LRP1B: variants seen among roughly 807,000 people sequenced by gnomAD.
The protein encoded by LRP1B is low-density lipoprotein receptor-related protein 1B.
Under a neutral mutation model 556.6 loss-of-function variants are expected in LRP1B, and 217 were observed. The ratio of observed to expected loss-of-function variants is 0.39; its 90% CI spans 0.35 to 0.44. The LOEUF (loss-of-function observed/expected upper bound fraction) is 0.44, where lower values mean the gene tolerates loss of function less well. Among genes scored for constraint, LRP1B ranks in the 20% least tolerant of loss-of-function variants. The pLI, the probability that LRP1B is intolerant of heterozygous loss-of-function variation, is 1.00. For synonymous variants in LRP1B, 2,047 were observed against 1,865.8 expected (o/e 1.10, Z -2.50); for missense variants, 5,053 against 5,620.8 (o/e 0.90, Z 3.23).
intron 3 of LRP1B, among the ~76,000 whole-genome samples, chr2:141,334,607 A>G (rs1159598894): frequency 6.6e-6 from 1 of 152,244 alleles, no homozygotes. Context: ...GCTGGAGTGT[A>G]GTGGCACCAT....
At chr2:141,089,662 A>G (rs1404275142) in intron 7 of LRP1B, among the ~76,000 whole-genome samples, 1 of 152,170 alleles carries the variant, frequency 6.6e-6, no homozygotes, top group Non-Finnish European at 1.5e-5. Context: ...GAATCTGGGT[A>G]AAAAACACAC....
In LRP1B at chr2:140,265,294, AC is replaced by A. The variant is rs200426319; in HGVS notation, c.13247+4947del. 7.9e-5 allele frequency among the ~76,000 whole-genome samples: 12 copies of A among 152,212 alleles called. No homozygotes were observed. The East Asian group carries it at 1.7e-3, about 22-fold the overall frequency. On this transcript the variant is annotated intron_variant, in intron 86 of 90. Transcript: ENST00000389484. ...TAACACATTAGATTTTTTTAAAAAA[AC>A]ATTGTTTTAATATTATTCAATGTAT... is the stretch of plus-strand genomic sequence containing the variant.
At chr2:140,844,190 T>G (rs1332931672) in intron 29 of LRP1B, among the ~76,000 whole-genome samples, 1 of 151,914 alleles carries the variant, frequency 6.6e-6, no homozygotes, top group Non-Finnish European at 1.5e-5. Flanking sequence ...GCCTCCCGAG[T>G]AGCTGGGATT....
At chr2:142,087,085 T>G (rs1705968814) in intron 1 of LRP1B, among the ~76,000 whole-genome samples, 1 of 152,186 alleles carries the variant, frequency 6.6e-6, no homozygotes, top group African/African-American at 2.4e-5. Context: ...CTCATTTCAA[T>G]AAATATAGTA....
intron 41 of LRP1B, among the ~76,000 whole-genome samples, chr2:140,626,519 A>G (rs1167418335): frequency 6.6e-6 from 1 of 152,174 alleles, no homozygotes; most frequent in Admixed American, 6.6e-5. Context: ...TGTGAACATA[A>G]AACTGCTCTA....
rs1345852509 is a variant in LRP1B, at chr2:141,062,166, G to A, written c.1121C>T (p.Ala374Val). The change falls in exon 8 of 91, where the codon GCA becomes GTA. Residue 374 changes from alanine to valine, a missense_variant. Around this residue, in one of 5 missense-constraint regions of LRP1B, gnomAD observed 3,619 missense variants for 3,931.9 expected, o/e 0.92. Transcript: ENST00000389484. ...TTTGTTGACTAGGTCTAGTGCCAGT[G>A]CAGCTGGCTGCTCTGTCTTTGAATC... ...IIDSKTEQPA[A>V]LALDLVNKLV... 5 of 1,611,872 alleles carry A rather than the reference G, an allele frequency of 3.1e-6. No individual in the cohort carries two copies. Among genetic ancestry groups the A allele is most frequent in the Non-Finnish European group, 4.2e-6 (5 of 1,178,552 alleles).
chr2:141,432,013 G>A (rs1680580680), intron 3 of LRP1B, among the ~76,000 whole-genome samples: 2 of 152,090 alleles, frequency 1.3e-5, no homozygotes, highest in African/African-American at 4.8e-5. Context: ...TGCAAGTGAT[G>A]AGAGCAGATA....
rs398039112 is a variant in LRP1B, at chr2:141,237,353, G to GA, written c.593-7914_593-7913insT. On this transcript the variant is annotated intron_variant, in intron 5 of 90. Transcript: ENST00000389484. ...ATCTTGTTTTGTTTTGTGTTCTAGT[G>GA]TTTTTTTTTTTTTTTTTTAATTCTG... 2.3e-3 allele frequency among the ~76,000 whole-genome samples: 220 copies of GA among 93,644 alleles called. 1 individual carries two copies. Among genetic ancestry groups the GA allele is most frequent in the African/African-American group, 8.5e-3 (205 of 24,078 alleles). The allele number at this position is 93,644 out of a possible 152,430, so 61.4% of individuals were successfully genotyped here. A position where few individuals can be genotyped will look rare whatever the true frequency, so the allele number is the denominator to read the frequency against.
At chr2:140,466,535 T>C (rs1687556747) in intron 60 of LRP1B, among the ~76,000 whole-genome samples, 2 of 152,138 alleles carry the variant, frequency 1.3e-5, no homozygotes, top group Non-Finnish European at 2.9e-5. Context: ...GTAGTGAATA[T>C]AATTGCTAGA....
At chr2:140,980,188 A>T (rs1696726077) in intron 18 of LRP1B, among the ~76,000 whole-genome samples, 1 of 152,140 alleles carries the variant, frequency 6.6e-6, no homozygotes, top group African/African-American at 2.4e-5. Context: ...AATTGTTTTC[A>T]TGACATTTCT....
chr2:141,895,676 T>A (rs1335790004), intron 1 of LRP1B, among the ~76,000 whole-genome samples: 1 of 152,192 alleles, frequency 6.6e-6, no homozygotes, highest in Non-Finnish European at 1.5e-5. Context: ...TGAAACTAGA[T>A]TTATTTCTCT....
chr2:141,601,293 CTG>C (rs1431257403), intron 2 of LRP1B, among the ~76,000 whole-genome samples: 1 of 152,090 alleles, frequency 6.6e-6, no homozygotes, highest in Non-Finnish European at 1.5e-5. Context: ...TTTCTACAAA[CTG>C]TGCTACATCT....
intron 2 of LRP1B, among the ~76,000 whole-genome samples, chr2:141,769,414 A>G (rs776489329): frequency 2.6e-5 from 4 of 152,212 alleles, no homozygotes; most frequent in Non-Finnish European, 4.4e-5. Context: ...GAGAAGGAAA[A>G]AAGTCAACAG....
chr2:140,792,879 T>G (rs970913737), intron 32 of LRP1B, among the ~76,000 whole-genome samples: 2 of 152,058 alleles, frequency 1.3e-5, no homozygotes, highest in Admixed American at 1.3e-4. Context: ...CATCTATCAT[T>G]GTATCCAAGC....
chr2:140,362,620 C>T (rs1682565295), intron 72 of LRP1B, among the ~76,000 whole-genome samples: 2 of 151,580 alleles, frequency 1.3e-5, no homozygotes, highest in African/African-American at 4.8e-5. Flanking sequence ...ATGGTTTGCT[C>T]TGCCCAGAGC....
chr2:140,504,331 A>G (rs1326294859), intron 53 of LRP1B, among the ~76,000 whole-genome samples: 1 of 152,140 alleles, frequency 6.6e-6, no homozygotes, highest in Non-Finnish European at 1.5e-5. Context: ...ACTTAATAAT[A>G]TTCACAGTCT....
intron 3 of LRP1B, among the ~76,000 whole-genome samples, chr2:141,261,357 T>G (rs969575): frequency 0.25 from 37,846 of 152,092 alleles, 5,748 homozygotes; most frequent in East Asian, 0.57. Flanking sequence ...TTTGGTATTT[T>G]AATGAAGTCC....
At chr2:140,423,247 A>G (rs4954835) in intron 66 of LRP1B, among the ~76,000 whole-genome samples, 74,912 of 151,914 alleles carry the variant, frequency 0.49, 18,601 homozygotes, top group Non-Finnish European at 0.53. Context: ...TCTTGCATTA[A>G]TTTCAGTGCC....
intron 31 of LRP1B, among the ~76,000 whole-genome samples, chr2:140,818,959 A>G (rs1009829522): frequency 1.2e-4 from 18 of 147,650 alleles, no homozygotes; most frequent in Non-Finnish European, 2.6e-4. Context: ...AAAAAAAAAA[A>G]AGAGAATGTG....
Sources: gnomAD v4.1 joint callset for allele counts (sites outside exome capture counted in the v4.1 genomes callset) on GRCh38, gnomAD v4.1.1 for gene constraint, gnomAD v4.1.1 regional missense constraint, MANE v1.5 for transcripts, NCBI Gene and HGNC (gene_info 2026-07-23, HGNC 2026-07-21) for gene names.